The following KCND2 variants were observed in gnomAD, a reference collection of about 807,000 sequenced individuals.
KCND2 encodes the protein potassium voltage-gated channel subfamily D member 2.
KCND2 carries 16 observed loss-of-function variants against 54.4 expected under a neutral mutation model. The observed-to-expected ratio is 0.29, with a 90% CI of 0.20 to 0.45. The LOEUF (loss-of-function observed/expected upper bound fraction) is 0.45, where lower values mean the gene tolerates loss of function less well. Among genes scored for constraint, KCND2 ranks in the 20% least tolerant of loss-of-function variants. The pLI is 1.00. For synonymous variants in KCND2, 317 were observed against 310.7 expected (o/e 1.02, Z -0.21); for missense variants, 486 against 824.2 (o/e 0.59, Z 5.02).
At chr7:120,680,590 C>T (rs778556039) in intron 1 of KCND2, among the ~76,000 whole-genome samples, 6 of 152,082 alleles carry the variant, frequency 3.9e-5, no homozygotes, top group Admixed American at 6.6e-5. Context: ...TCCAGCCACC[C>T]GATGCATATT....
intron 1 of KCND2, among the ~76,000 whole-genome samples, chr7:120,613,467 G>C (rs970470022): frequency 6.6e-6 from 1 of 152,182 alleles, no homozygotes; most frequent in African/African-American, 2.4e-5. Context: ...AGAGGCGGGG[G>C]TTGCTGTGGG....
chr7:120,681,059 A>G (rs540928487), intron 1 of KCND2, among the ~76,000 whole-genome samples: 1 of 152,246 alleles, frequency 6.6e-6, no homozygotes, highest in African/African-American at 2.4e-5. Context: ...TCATAATTTG[A>G]ACAATTTATT....
intron 1 of KCND2, among the ~76,000 whole-genome samples, chr7:120,406,498 T>C (rs1160025482): frequency 6.6e-6 from 1 of 152,058 alleles, no homozygotes; most frequent in Non-Finnish European, 1.5e-5. Flanking sequence ...TAGAATTTAA[T>C]GACTTTTTTT....
intron 1 of KCND2, among the ~76,000 whole-genome samples, chr7:120,512,426 A>G (rs1361865371): frequency 6.6e-6 from 1 of 152,038 alleles, no homozygotes; most frequent in Non-Finnish European, 1.5e-5. Flanking sequence ...AAACAAAAAA[A>G]AAAGTCATTG....
intron 1 of KCND2, among the ~76,000 whole-genome samples, chr7:120,471,006 T>C (rs1417424948): frequency 6.6e-6 from 1 of 152,032 alleles, no homozygotes; most frequent in African/African-American, 2.4e-5. Flanking sequence ...TTAAAATCAT[T>C]AGATATTATA....
intron 1 of KCND2, among the ~76,000 whole-genome samples, chr7:120,329,120 CTTTT>C (rs542875258): frequency 3.8e-5 from 5 of 132,486 alleles, no homozygotes; most frequent in Admixed American, 7.7e-5. Flanking sequence ...CTAGCTTAGT[CTTTT>C]TTTTTTTTTT....
At chr7:120,675,843 T>C (rs1407202569) in intron 1 of KCND2, among the ~76,000 whole-genome samples, 1 of 150,250 alleles carries the variant, frequency 6.7e-6, no homozygotes, top group Non-Finnish European at 1.5e-5. Context: ...TCTTCCTACT[T>C]GTCTTTCTAT....
At chr7:120,727,949 C>T (rs759164400) in intron 1 of KCND2, among the ~76,000 whole-genome samples, 4 of 151,832 alleles carry the variant, frequency 2.6e-5, no homozygotes, top group Admixed American at 6.6e-5. Flanking sequence ...TCCTGGCCAA[C>T]ATGGTGAAAC....
chr7:120,616,059 C>T (rs574401970), intron 1 of KCND2, among the ~76,000 whole-genome samples: 1 of 152,026 alleles, frequency 6.6e-6, no homozygotes, highest in Admixed American at 6.5e-5. Flanking sequence ...TAACACAGTG[C>T]AGGTCATGAA....
chr7:120,638,525 T>C (rs1038518742), intron 1 of KCND2, among the ~76,000 whole-genome samples: 4 of 152,160 alleles, frequency 2.6e-5, no homozygotes. Context: ...TTACCAACTT[T>C]CAAGCTTGTT....
chr7:120,645,918 C>T (rs900460857), intron 1 of KCND2, among the ~76,000 whole-genome samples: 1 of 152,174 alleles, frequency 6.6e-6, no homozygotes, highest in Non-Finnish European at 1.5e-5. Flanking sequence ...CAAGTTATGT[C>T]TCCCTCTCCT....
rs1470296853 is a variant in KCND2 at position 120,285,129 on chromosome 7, A to G, written c.1115+9382A>G. On this transcript the variant is annotated intron_variant, in intron 1 of 5. Coordinates refer to ENST00000331113, the MANE Select transcript of KCND2 (RefSeq NM_012281.3). ...TGTAACTTGCATTTTATCCAACTCA[A>G]TGATTTGTCATTGGGTTCCTTTTAT... is the stretch of plus-strand genomic sequence containing the variant. Among the ~76,000 whole-genome samples the G allele has an allele frequency of 3.3e-5, 5 of 152,128 alleles. No homozygotes were observed. The East Asian group carries it at 7.7e-4, about 23-fold the overall frequency.
At chr7:120,382,598 A>G (rs1429518419) in intron 1 of KCND2, among the ~76,000 whole-genome samples, 1 of 151,846 alleles carries the variant, frequency 6.6e-6, no homozygotes, top group Admixed American at 6.6e-5. Context: ...TGTAATGCTA[A>G]ATTAATGATC....
At position 120,390,964 on chromosome 7, in the gene KCND2, A is replaced by T. The variant is rs780232717; in HGVS notation, c.1115+115217A>T. Among the ~76,000 whole-genome samples the T allele has an allele frequency of 3.9e-5, 6 of 152,046 alleles. No homozygotes were observed. In the East Asian group the frequency reaches 5.8e-4, roughly 15 times the overall value. On this transcript the variant is annotated intron_variant, in intron 1 of 5. Transcript: ENST00000331113. ...GTGCTGAATGGGGCAGGTTAGTTAC[A>T]TAGGTATATATGTGCCATGGTGGTT...
chr7:120,382,630 A>G lies in KCND2; in HGVS notation c.1115+106883A>G, dbSNP rs567950306. ...GATCAACATTAACAAAATGTTTATA[A>G]ACAACTTAAGTATCTTTTCTTGAGT... On this transcript the variant is annotated intron_variant, in intron 1 of 5. Coordinates refer to ENST00000331113, the MANE Select transcript of KCND2 (RefSeq NM_012281.3). 2.2e-4 allele frequency among the ~76,000 whole-genome samples: 33 copies of G among 151,928 alleles called. No individual in the cohort carries two copies. In the South Asian group the frequency reaches 6.8e-3, roughly 32 times the overall value.
At chr7:120,518,695 T>C (rs1226086380) in intron 1 of KCND2, among the ~76,000 whole-genome samples, 1 of 151,904 alleles carries the variant, frequency 6.6e-6, no homozygotes, top group African/African-American at 2.4e-5. Context: ...GAAATAGCAA[T>C]TGAAGAACTG....
intron 1 of KCND2, among the ~76,000 whole-genome samples, chr7:120,601,233 T>A (rs2116472930): frequency 6.6e-6 from 1 of 152,248 alleles, no homozygotes; most frequent in Admixed American, 6.5e-5. Flanking sequence ...TACTATATTT[T>A]ATTTACTCAT....
intron 1 of KCND2, among the ~76,000 whole-genome samples, chr7:120,424,468 A>G (rs961862719): frequency 2.0e-5 from 3 of 152,368 alleles, no homozygotes; most frequent in Non-Finnish European, 2.9e-5. Flanking sequence ...CAGCATTACC[A>G]TGTAAACCAA....
intron 1 of KCND2, among the ~76,000 whole-genome samples, chr7:120,702,589 A>G (rs1584889699): frequency 6.6e-6 from 1 of 152,264 alleles, no homozygotes. Context: ...GTACATATAC[A>G]CCATGGAATA....
Sources: allele counts gnomAD v4.1 joint callset (sites outside exome capture counted in the v4.1 genomes callset), GRCh38; gene constraint gnomAD v4.1.1; transcripts MANE v1.5; gene names NCBI Gene and HGNC (gene_info 2026-07-23, HGNC 2026-07-21).